COLEC10: variants seen among roughly 807,000 people sequenced by gnomAD.
COLEC10 encodes collectin-10.
COLEC10 carries 22 observed loss-of-function variants against 28.4 expected under a neutral mutation model. The ratio of observed to expected loss-of-function variants is 0.78; its 90% CI spans 0.55 to 1.11. The LOEUF is 1.11. Ranked by LOEUF, COLEC10 falls within the 50% of genes least tolerant of loss-of-function variation. The pLI is 0.00. For missense variants in COLEC10, 361 were observed against 344.1 expected (o/e 1.05, Z -0.39); for synonymous variants, 125 against 116.1 (o/e 1.08, Z -0.49).
In COLEC10 at chr8:118,998,683, CA is replaced by C. The variant is rs71569784; in HGVS notation, n.122+3124del. On this transcript the variant is annotated intron_variant and non_coding_transcript_variant, in intron 1 of 6. Coordinates refer to the COLEC10 transcript ENST00000521788. ...GAAACCCCGTCTCTACTGAAAAATA[CA>C]AAAAAAAAAAAAATTAGCCAGGCGT... 1.0e-3 allele frequency among the ~76,000 whole-genome samples: 145 copies of C among 139,396 alleles called. 1 individual carries two copies. In the South Asian group the frequency reaches 0.012, roughly 11 times the overall value. 91.4% of individuals were successfully genotyped at this position (139,396 alleles called of 152,430 possible).
Position 119,067,669 on chromosome 8 carries a change from C to T in COLEC10, c.148+240C>T. On this transcript the variant is annotated intron_variant, in intron 1 of 5. Transcript: ENST00000332843. ...AACCCAGGACGGAGATCTGAGGGAA[C>T]TTACCCAGGGCAGGGGGAAATTCCC... is the stretch of plus-strand genomic sequence containing the variant. 3 of 409,544 alleles carry T rather than the reference C, an allele frequency of 7.3e-6. No homozygotes were observed. In the East Asian group the frequency reaches 1.3e-4, roughly 17 times the overall value. 25.4% of individuals were successfully genotyped at this position (409,544 alleles called of 1,614,324 possible). A position where few individuals can be genotyped will look rare whatever the true frequency, so the allele number is the denominator to read the frequency against.
At chr8:119,063,064 T>A (rs568040212), upstream of COLEC10, 1 of 152,336 alleles carries the variant, frequency 6.6e-6, no homozygotes, top group East Asian at 1.9e-4. Flanking sequence ...TATGCTGTTT[T>A]AACTAGTAAA....
chr8:119,077,948 G>T lies in COLEC10; in HGVS notation c.148+10519G>T, dbSNP rs1349209732. 2.0e-5 allele frequency among the ~76,000 whole-genome samples: 3 copies of T among 152,284 alleles called. No individual in the cohort carries two copies. In the East Asian group the frequency reaches 5.8e-4, roughly 29 times the overall value. On this transcript the variant is annotated intron_variant, in intron 1 of 5. Transcript: ENST00000332843. ...TACAAAAAGTTTGGTGCCACCATCT[G>T]CTTCTGGTGAGGGCCTCAGGAAATA...
At chr8:118,993,002 G>A (rs563921441), upstream of COLEC10, among the ~76,000 whole-genome samples, 1 of 152,326 alleles carries the variant, frequency 6.6e-6, no homozygotes, top group East Asian at 1.9e-4. Context: ...AATGGAATGG[G>A]CCATAATGGA....
chr8:119,026,683 C>G (rs532161696), intron 2 of COLEC10, among the ~76,000 whole-genome samples: 3 of 152,048 alleles, frequency 2.0e-5, no homozygotes, highest in Non-Finnish European at 2.9e-5. Flanking sequence ...CTAAATAGTG[C>G]TGTTGAGATC....
the COLEC10 span, among the ~76,000 whole-genome samples, chr8:118,965,210 A>G: frequency 6.6e-6 from 1 of 151,832 alleles, no homozygotes; most frequent in Admixed American, 6.6e-5. Flanking sequence ...TCTGTATTAT[A>G]AGATACAGAG....
At chr8:119,088,215 G>C (rs958107996) in intron 1 of COLEC10, among the ~76,000 whole-genome samples, 15 of 151,216 alleles carry the variant, frequency 9.9e-5, no homozygotes, top group African/African-American at 3.6e-4. Context: ...GAGGGAAAGA[G>C]AGAGAGAAAG....
the COLEC10 span, among the ~76,000 whole-genome samples, chr8:118,987,546 G>A: frequency 2.6e-5 from 4 of 152,204 alleles, no homozygotes; most frequent in African/African-American, 7.2e-5. Context: ...CCTGGGAAAC[G>A]GGGTGATAAT....
intron 1 of COLEC10, among the ~76,000 whole-genome samples, chr8:119,085,599 C>CTTTTTTTTTTTTTTTTTTTTTTTT (rs66829005): frequency 5.3e-4 from 34 of 63,558 alleles, no homozygotes; most frequent in Admixed American, 7.8e-4. Context: ...TCTTCTTCTT[C>CTTTTTTTTTTTTTTTTTTTTTTTT]TTTTTTTTTT....
chr8:119,025,402 A>G (rs1481804098), intron 2 of COLEC10, among the ~76,000 whole-genome samples: 1 of 152,166 alleles, frequency 6.6e-6, no homozygotes, highest in Non-Finnish European at 1.5e-5. Context: ...TCAGAAATGG[A>G]TTCTGTGCTC....
At chr8:119,026,436 C>G (rs1475786626) in intron 2 of COLEC10, among the ~76,000 whole-genome samples, 2 of 152,088 alleles carry the variant, frequency 1.3e-5, no homozygotes, top group Non-Finnish European at 2.9e-5. Flanking sequence ...ATTATGGTGG[C>G]ACGTGCCTAC....
intron 1 of COLEC10, among the ~76,000 whole-genome samples, chr8:119,001,304 G>A (rs1461642033): frequency 6.6e-6 from 1 of 152,146 alleles, no homozygotes; most frequent in African/African-American, 2.4e-5. Context: ...ATTTTGGCTG[G>A]TGATCAAGAA....
At chr8:119,032,866 C>T (rs1468461055) in intron 2 of COLEC10, among the ~76,000 whole-genome samples, 2 of 152,216 alleles carry the variant, frequency 1.3e-5, no homozygotes, top group Non-Finnish European at 2.9e-5. Context: ...CGCGCCTCTG[C>T]ACCGGAGCCT....
At position 119,079,644 on chromosome 8, in the gene COLEC10, T is replaced by A. The variant is rs528545015; in HGVS notation, c.149-10036T>A. Among the ~76,000 whole-genome samples, 20 of 112,098 alleles carry A rather than the reference T, an allele frequency of 1.8e-4. 1 individual carries two copies. In the South Asian group the frequency reaches 6.4e-3, roughly 36 times the overall value. 73.5% of individuals were successfully genotyped at this position (112,098 alleles called of 152,430 possible). A position where few individuals can be genotyped will look rare whatever the true frequency, so the allele number is the denominator to read the frequency against. On this transcript the variant is annotated intron_variant, in intron 1 of 5. Coordinates refer to ENST00000332843, the MANE Select transcript of COLEC10 (RefSeq NM_006438.5). ...CCCACTTACTCAGACATGCAATGAC[T>A]GCAAAATAATTGCAGGCTCCAAGTG...
At chr8:119,022,272 A>G (rs1457008805) in intron 2 of COLEC10, among the ~76,000 whole-genome samples, 1 of 152,144 alleles carries the variant, frequency 6.6e-6, no homozygotes, top group African/African-American at 2.4e-5. Flanking sequence ...GGCAAAATAG[A>G]AAACAAAGAG....
the COLEC10 span, among the ~76,000 whole-genome samples, chr8:118,986,384 G>A: frequency 3.9e-5 from 6 of 152,244 alleles, no homozygotes; most frequent in South Asian, 2.1e-4. Context: ...GACATTTTCT[G>A]TACTCAGGAA....
intron 2 of COLEC10, among the ~76,000 whole-genome samples, chr8:119,026,189 G>A (rs956967161): frequency 5.9e-5 from 9 of 152,080 alleles, no homozygotes; most frequent in Non-Finnish European, 1.3e-4. Flanking sequence ...GTCCTTTTAT[G>A]AATAATTTTT....
chr8:119,037,536 C>T (rs541317151), intron 2 of COLEC10, among the ~76,000 whole-genome samples: 1 of 152,096 alleles, frequency 6.6e-6, no homozygotes, highest in Non-Finnish European at 1.5e-5. Flanking sequence ...TTCATGAGAT[C>T]CCAGCCCTAG....
At chr8:119,101,465 G>A (rs543322713) in intron 3 of COLEC10, among the ~76,000 whole-genome samples, 13 of 152,158 alleles carry the variant, frequency 8.5e-5, no homozygotes, top group Admixed American at 5.2e-4. Flanking sequence ...AAAAATTAAC[G>A]TGTTTTATTC....
Sources: allele counts gnomAD v4.1 joint callset (sites outside exome capture counted in the v4.1 genomes callset), GRCh38; gene constraint gnomAD v4.1.1; transcripts MANE v1.5; gene names NCBI Gene and HGNC (gene_info 2026-07-23, HGNC 2026-07-21).